The following DNAH2 variants were observed in gnomAD, a reference collection of about 807,000 sequenced individuals.
DNAH2 encodes dynein axonemal heavy chain 2.
A neutral mutation model predicts 523.5 loss-of-function variants in DNAH2; 323 were observed. That is an observed-to-expected ratio of 0.62 (90% CI 0.56 to 0.68). The LOEUF (loss-of-function observed/expected upper bound fraction) is 0.68, where lower values mean the gene tolerates loss of function less well. Ranked by LOEUF, DNAH2 falls within the 30% of genes least tolerant of loss-of-function variation. The pLI, the probability that DNAH2 is intolerant of heterozygous loss-of-function variation, is 0.00. For missense variants in DNAH2, 4,907 were observed against 5,701.5 expected (o/e 0.86, Z 4.49); for synonymous variants, 2,093 against 2,177.4 (o/e 0.96, Z 1.08).
chr17:7,751,194 A>G (rs1386353662), intron 12 of DNAH2, among the ~76,000 whole-genome samples: 1 of 151,402 alleles, frequency 6.6e-6, no homozygotes, highest in African/African-American at 2.4e-5. Flanking sequence ...TCCAGTCTGG[A>G]GTACAGTGGC....
intron 12 of DNAH2, among the ~76,000 whole-genome samples, chr17:7,750,865 A>G (rs2151177534): frequency 6.6e-6 from 1 of 152,310 alleles, no homozygotes; most frequent in East Asian, 1.9e-4. Flanking sequence ...ATTCTTCTCC[A>G]ATAAAGACGG....
rs917561675 is a variant in DNAH2, at chr17:7,774,163, C to T, written c.4502-596C>T. Among the ~76,000 whole-genome samples, 49 of 152,300 alleles carry T rather than the reference C, an allele frequency of 3.2e-4. 1 individual carries two copies. Among genetic ancestry groups the T allele is most frequent in the Non-Finnish European group, 6.0e-4 (41 of 68,020 alleles). ...TGTATCTGAATTGGCAGCATCACTACTCTTGCACTTTTGCTTACATTATTA... is the reference window on the plus strand; with the variant it reads ...TGTATCTGAATTGGCAGCATCACTATTCTTGCACTTTTGCTTACATTATTA... On this transcript the variant is annotated intron_variant, in intron 28 of 85. Transcript: ENST00000572933.
At chr17:7,740,754 C>G in intron 10 of DNAH2, 56 bp from the exon 11 acceptor site, 1 of 1,570,088 alleles carries the variant, frequency 6.4e-7, no homozygotes, top group Non-Finnish European at 8.7e-7. Context: ...GGATGAGTGA[C>G]CGGAGGGAAC....
chr17:7,786,052 CG>C lies in DNAH2; in HGVS notation c.6130-68del. The C allele has an allele frequency of 6.6e-7, 1 of 1,508,998 alleles. No homozygotes were observed. Among genetic ancestry groups the C allele is most frequent in the South Asian group, 1.2e-5 (1 of 85,336 alleles). The allele number at this position is 1,508,998 out of a possible 1,614,324, so 93.5% of individuals were successfully genotyped here. A position where few individuals can be genotyped will look rare whatever the true frequency, so the allele number is the denominator to read the frequency against. ...AGTTTGAACGTATTCTCTCTGGCAC[CG>C]GGGAGATTTTGAAAGCCCTTTAAAG... On this transcript the variant is annotated intron_variant, in intron 39 of 85. Coordinates refer to ENST00000572933, the MANE Select transcript of DNAH2 (RefSeq NM_020877.5). This position sits in a 1 kb window ranked among gnomAD's most constrained non-coding sequence, Gnocchi z 7.5.
chr17:7,767,864 G>T, intron 22 of DNAH2, 36 bp from the exon 23 acceptor site: 1 of 1,612,772 alleles, frequency 6.2e-7, no homozygotes, highest in Non-Finnish European at 8.5e-7. Flanking sequence ...AAGAGGGCAG[G>T]TGCCACTTCA....
chr17:7,796,587 G>C lies in DNAH2; in HGVS notation c.7798G>C (p.Val2600Leu). The C allele has an allele frequency of 6.2e-7, 1 of 1,613,350 alleles. No individual in the cohort carries two copies. Among genetic ancestry groups the C allele is most frequent in the Non-Finnish European group, 8.5e-7 (1 of 1,179,912 alleles). ...CACCCTGGACATGTACAACACCGTG[G>C]TACAGCGCTTCCTGCCCACGCCCAC... ...EATLDMYNTV[V>L]QRFLPTPTKM... Residue 2600 changes from valine (V) to leucine (L), a missense_variant, in exon 50 of 86, where the codon GTA (valine) becomes CTA (leucine). Physicochemically the swap from Val to Leu is conservative, Grantham distance 32 (BLOSUM62 1). Around this residue, in one of 3 missense-constraint regions of DNAH2, gnomAD observed 250 missense variants for 371.3 expected, o/e 0.67. Transcript: ENST00000572933.
chr17:7,830,026 CA>C (rs546222498), intron 77 of DNAH2, among the ~76,000 whole-genome samples: 577 of 55,246 alleles, frequency 0.01, 1 homozygote, highest in African/African-American at 0.017. Flanking sequence ...AACTCCGTCT[CA>C]AAAAAAAAAA....
At position 7,775,276 on chromosome 17, in the gene DNAH2, G is replaced by T. The variant is rs753698713; in HGVS notation, c.4755G>T (p.Gly1585=). The change falls in exon 30 of 86, where the codon GGG becomes GGT. Residue 1585 remains glycine (G), a synonymous_variant. Transcript: ENST00000572933. ...GGPSSKWEAV[G]MFSGDGEYID... ...CCAGCAGCAAATGGGAAGCTGTGGG[G>T]ATGTTCTCGGGCGACGGCGAGTACA... 1.2e-6 allele frequency: 2 copies of T among 1,613,642 alleles called. No individual in the cohort carries two copies. The highest frequency in any genetic ancestry group is 1.7e-6 in the Non-Finnish European group (2 of 1,179,814).
At chr17:7,781,762 G>C (rs76923775) in intron 39 of DNAH2, among the ~76,000 whole-genome samples, 3 of 152,182 alleles carry the variant, frequency 2.0e-5, no homozygotes, top group Non-Finnish European at 2.9e-5. Flanking sequence ...CCTCTAGTCC[G>C]TTGCCTTTGC....
At position 7,824,701 on chromosome 17, in the gene DNAH2, A is replaced by G. The variant is rs755034209; in HGVS notation, c.11827A>G (p.Ile3943Val). 1.9e-6 allele frequency: 3 copies of G among 1,586,436 alleles called. No homozygotes were observed. The highest frequency in any genetic ancestry group is 2.6e-6 in the Non-Finnish European group (3 of 1,161,800). The change falls in exon 77 of 86, where the codon ATC becomes GTC. Residue 3943 changes from isoleucine to valine, a missense_variant. Coordinates refer to ENST00000572933, the MANE Select transcript of DNAH2 (RefSeq NM_020877.5). Reference sequence around the variant, plus strand: ...CCCTATCTCAATCTTGCAGGTCAGCATCAAGATGACCACAGAGCCACCAAA... The same window carrying G: ...CCCTATCTCAATCTTGCAGGTCAGCGTCAAGATGACCACAGAGCCACCAAA... ...DFPISILQVS[I>V]KMTTEPPKGL...
rs1310591441 is a variant in DNAH2, at chr17:7,766,372, T to C, written c.3566T>C (p.Val1189Ala). Residue 1189 changes from valine (V) to alanine (A), a missense_variant, in exon 22 of 86, where the codon GTG (valine) becomes GCG (alanine). Val to Ala is a moderately conservative substitution (Grantham distance 64). Transcript: ENST00000572933. ...YMSALDQITQ[V>A]RAMLMAMREE... ...TCTGCCTTAGACCAGATTACACAAG[T>C]GCGGGCCATGCTGATGGCCATGCGG... 14 of 1,614,060 alleles carry C rather than the reference T, an allele frequency of 8.7e-6. No homozygotes were observed. Among genetic ancestry groups the C allele is most frequent in the Non-Finnish European group, 1.0e-5 (12 of 1,179,996 alleles).
chr17:7,810,107 A>C (rs1421345104), intron 63 of DNAH2, among the ~76,000 whole-genome samples: 4 of 139,660 alleles, frequency 2.9e-5, no homozygotes, highest in African/African-American at 1.1e-4. Context: ...TCTGTCGCCC[A>C]GACTGGAATG....
intron 28 of DNAH2, 55 bp downstream of exon 28, chr17:7,771,523 T>C: frequency 6.2e-7 from 1 of 1,601,494 alleles, no homozygotes; most frequent in Non-Finnish European, 8.5e-7. Flanking sequence ...CTCTGCTTGG[T>C]CATGGTTGCG....
intron 56 of DNAH2, among the ~76,000 whole-genome samples, chr17:7,800,451 C>A (rs989351409): frequency 6.6e-6 from 1 of 152,092 alleles, no homozygotes; most frequent in African/African-American, 2.4e-5. Context: ...TTTTTTAAGG[C>A]TGAATAATAT....
At chr17:7,721,494 C>A (rs898503938) in intron 2 of DNAH2, among the ~76,000 whole-genome samples, 1 of 152,084 alleles carries the variant, frequency 6.6e-6, no homozygotes, top group African/African-American at 2.4e-5. Flanking sequence ...TAGTTCTTGC[C>A]TGGAACCTGA....
In DNAH2 at chr17:7,740,811, C is replaced by CT; in HGVS notation, c.1509dup (p.Ile504TyrfsTer6). The CT allele has an allele frequency of 2.5e-6, 4 of 1,604,542 alleles. No individual in the cohort carries two copies. Among genetic ancestry groups the CT allele is most frequent in the Non-Finnish European group, 3.4e-6 (4 of 1,172,030 alleles). On this transcript the variant is annotated frameshift_variant and splice_region_variant, in exon 11 of 86. Transcript: ENST00000572933. LOFTEE classifies it high-confidence loss of function. ...CAGCCTCTTCCTCTTCTTCCCTAGG[C>CT]TATCAAGCGGACTTATGACAAGAAG...
intron 36 of DNAH2, among the ~76,000 whole-genome samples, chr17:7,779,690 T>C (rs576218124): frequency 2.8e-4 from 42 of 152,304 alleles, no homozygotes; most frequent in African/African-American, 9.6e-4. Flanking sequence ...TTCTTCTCCC[T>C]TTAGGCTAGC....
intron 61 of DNAH2, among the ~76,000 whole-genome samples, chr17:7,806,458 C>A (rs990060324): frequency 6.6e-6 from 1 of 151,896 alleles, no homozygotes; most frequent in East Asian, 1.9e-4. Context: ...GAGATCGAGA[C>A]CATCCTGGCT....
At chr17:7,808,721 T>C (rs933101846) in intron 63 of DNAH2, among the ~76,000 whole-genome samples, 1 of 152,164 alleles carries the variant, frequency 6.6e-6, no homozygotes, top group Non-Finnish European at 1.5e-5. Flanking sequence ...GAGATTCTCC[T>C]GCCTCAGCCT....
Sources: allele counts gnomAD v4.1 joint callset (sites outside exome capture counted in the v4.1 genomes callset), GRCh38; gene constraint gnomAD v4.1.1; regional missense constraint gnomAD v4.1.1; non-coding constraint Gnocchi (gnomAD v3.1); transcripts MANE v1.5; gene names NCBI Gene and HGNC (gene_info 2026-07-23, HGNC 2026-07-21).